LETM1: variants seen among roughly 807,000 people sequenced by gnomAD.
LETM1 encodes the protein leucine zipper and EF-hand containing transmembrane protein 1.
In LETM1, 50 loss-of-function variants were observed where a neutral mutation model predicts 74.5. That is an observed-to-expected ratio of 0.67 (90% CI 0.53 to 0.85). LETM1 has a LOEUF of 0.85. Among genes scored for constraint, LETM1 ranks in the 40% least tolerant of loss-of-function variants. The pLI is 0.00. For missense variants in LETM1, 824 were observed against 967.8 expected (o/e 0.85, Z 1.97); for synonymous variants, 446 against 407.1 (o/e 1.10, Z -1.15).
At chr4:1,829,381 T>G (rs1712175860) in intron 6 of LETM1, among the ~76,000 whole-genome samples, 1 of 151,878 alleles carries the variant, frequency 6.6e-6, no homozygotes, top group South Asian at 2.1e-4. Flanking sequence ...ATGGGGCGGC[T>G]GGCCGGGCGG....
chr4:1,854,795 A>AAAAC (rs1024518975), intron 1 of LETM1, among the ~76,000 whole-genome samples: 37 of 152,216 alleles, frequency 2.4e-4, no homozygotes, highest in East Asian at 1.5e-3. Context: ...TCTGTCTTTA[A>AAAAC]AAACAAACAA....
At chr4:1,843,894 A>G (rs868275214) in intron 2 of LETM1, among the ~76,000 whole-genome samples, 4 of 152,144 alleles carry the variant, frequency 2.6e-5, no homozygotes, top group Admixed American at 6.5e-5. Flanking sequence ...GCAGGCTCAG[A>G]CTGCCCCCTG....
intron 8 of LETM1, 122 bp from the exon 9 acceptor site, chr4:1,823,253 G>T: frequency 1.7e-5 from 22 of 1,310,304 alleles, no homozygotes; most frequent in Non-Finnish European, 2.2e-5. Flanking sequence ...ACACACACAG[G>T]ACAGAAGGCA....
At chr4:1,840,736 G>A (rs1712662123) in intron 3 of LETM1, among the ~76,000 whole-genome samples, 1 of 151,858 alleles carries the variant, frequency 6.6e-6, no homozygotes, top group Non-Finnish European at 1.5e-5. Context: ...GGGGGTGGTG[G>A]GAACCTAACT....
At position 1,841,753 on chromosome 4, in the gene LETM1, G is replaced by A. The variant is rs1373146076; in HGVS notation, c.188C>T (p.Thr63Ile). Residue 63 changes from threonine to isoleucine, a missense_variant, in exon 3 of 14, where the codon ACA becomes ATA. This residue lies in a region of LETM1 where 222 missense variants were observed against 195.6 expected (regional missense o/e 1.14). Transcript: ENST00000302787. ...GCCTPIHPVYTSSRGDHLGCW... is the reference protein window; with the variant it reads ...GCCTPIHPVYISSRGDHLGCW... ...GCCGAGGTGATCGCCTCTGGAGGATGTGTACACAGGGTGGATGGGAGTGCA... is the reference window on the plus strand; with the variant it reads ...GCCGAGGTGATCGCCTCTGGAGGATATGTACACAGGGTGGATGGGAGTGCA... 2 of 1,613,996 alleles carry A rather than the reference G, an allele frequency of 1.2e-6. No individual in the cohort carries two copies. The highest frequency in any genetic ancestry group is 2.2e-5 in the East Asian group (1 of 44,890).
chr4:1,834,823 G>A lies in LETM1; in HGVS notation c.876+22C>T. ...GGAAGGCTCCCTGGTGAGGTCACAG[G>A]GACTCAGACGTATCACAGCACCTTC... On this transcript the variant is annotated intron_variant, in intron 5 of 13. Coordinates refer to ENST00000302787, the MANE Select transcript of LETM1 (RefSeq NM_012318.3). This position sits in a 1 kb window ranked among gnomAD's most constrained non-coding sequence, Gnocchi z 5.0. 3 of 1,613,426 alleles carry A rather than the reference G, an allele frequency of 1.9e-6. No individual in the cohort carries two copies. The highest frequency in any genetic ancestry group is 2.5e-6 in the Non-Finnish European group (3 of 1,179,524).
Position 1,823,028 on chromosome 4 carries a change from T to G in LETM1, c.1436A>C (p.Glu479Ala), listed in dbSNP as rs200895698. 1 of 1,608,228 alleles carries G rather than the reference T, an allele frequency of 6.2e-7. No individual in the cohort carries two copies. The highest frequency in any genetic ancestry group is 2.3e-5 in the East Asian group (1 of 44,348). Reference protein sequence around the residue: ...TLQEEAAIQQEHREKELQKRS... With the variant: ...TLQEEAAIQQAHREKELQKRS... ...CTTCTGCAGCTCCTTCTCACGGTGC[T>G]CCTGCTGGATGGCCGCCTCCTCCTG... The change falls in exon 9 of 14, where the codon GAG becomes GCG. Residue 479 changes from glutamate to alanine, a missense_variant. This residue lies in a region of LETM1 where 172 missense variants were observed against 170.7 expected (regional missense o/e 1.01). Transcript: ENST00000302787.
chr4:1,812,536 T>TA lies in LETM1; in HGVS notation c.*1887dup, dbSNP rs1420837461. ...GGGCAGGTGTAAGAAAGGACTGTTT[T>TA]AAGAAGCTTATTACACAAAGCTCAT... is the stretch of plus-strand genomic sequence containing the variant. On this transcript the variant is annotated 3_prime_UTR_variant, in exon 14 of 14. Transcript: ENST00000302787. The TA allele has an allele frequency of 2.0e-5, 3 of 152,236 alleles. No homozygotes were observed. Among genetic ancestry groups the TA allele is most frequent in the African/African-American group, 7.2e-5 (3 of 41,390 alleles). The allele number at this position is 152,236 out of a possible 1,614,324, so 9.4% of individuals were successfully genotyped here.
rs1433706909 is a variant in LETM1 at position 1,819,075 on chromosome 4, C to T, written c.1743+263G>A. Reference sequence around the variant, plus strand: ...CTCTGGCCTGGGCAACAGAGCAAGACCTTCTTACAAAAAAAAAAAAAAAAA... The same window carrying T: ...CTCTGGCCTGGGCAACAGAGCAAGATCTTCTTACAAAAAAAAAAAAAAAAA... On this transcript the variant is annotated intron_variant, in intron 11 of 13. Coordinates refer to ENST00000302787, the MANE Select transcript of LETM1 (RefSeq NM_012318.3). Among the ~76,000 whole-genome samples, 7 of 149,626 alleles carry T rather than the reference C, an allele frequency of 4.7e-5. No homozygotes were observed. The East Asian group carries it at 9.7e-4, about 21-fold the overall frequency.
chr4:1,833,275 G>A, intron 5 of LETM1: 1 of 325,146 alleles, frequency 3.1e-6, no homozygotes, highest in East Asian at 7.8e-5. Flanking sequence ...TCACTATGTT[G>A]GCCAGGCTGG....
rs1252133548 is a variant in LETM1, at chr4:1,813,767, G to A, written c.*657C>T. On this transcript the variant is annotated 3_prime_UTR_variant, in exon 14 of 14. Transcript: ENST00000302787. Reference sequence around the variant, plus strand: ...GCCAATTGACTGCTTAAAGAACTGGGGGAAATAGAAAGCCGAGAAAGAGCT... The same window carrying A: ...GCCAATTGACTGCTTAAAGAACTGGAGGAAATAGAAAGCCGAGAAAGAGCT... 6.5e-6 allele frequency: 1 copy of A among 153,194 alleles called. No homozygotes were observed. The highest frequency in any genetic ancestry group is 1.9e-4 in the East Asian group (1 of 5,282). 9.5% of individuals were successfully genotyped at this position (153,194 alleles called of 1,614,324 possible).
At chr4:1,848,902 C>T (rs1218844632) in intron 2 of LETM1, among the ~76,000 whole-genome samples, 1 of 152,012 alleles carries the variant, frequency 6.6e-6, no homozygotes, top group Admixed American at 6.6e-5. Context: ...GGACAGGAAG[C>T]CTTCTGTCCC....
At position 1,813,142 on chromosome 4, in the gene LETM1, T is replaced by C. The variant is rs1722517411; in HGVS notation, c.*1282A>G. 1 of 152,412 alleles carries C rather than the reference T, an allele frequency of 6.6e-6. No homozygotes were observed. Among genetic ancestry groups the C allele is most frequent in the Admixed American group, 6.5e-5 (1 of 15,288 alleles). The allele number at this position is 152,412 out of a possible 1,614,324, so 9.4% of individuals were successfully genotyped here. On this transcript the variant is annotated 3_prime_UTR_variant, in exon 14 of 14. Coordinates refer to ENST00000302787, the MANE Select transcript of LETM1 (RefSeq NM_012318.3). ...ACTGTCCCTGCACAAAGGTTTACAA[T>C]TGAGAAATATCTCCTGTTCCTATTT...
chr4:1,836,688 G>A lies in LETM1; in HGVS notation c.595-116C>T. On this transcript the variant is annotated intron_variant, in intron 3 of 13. Transcript: ENST00000302787. The surrounding 1 kb of genome is among the most constrained non-coding windows in gnomAD (Gnocchi z 5.8). ...GCACAACCTCAGGCAGCGACTCACA[G>A]GACCCACTGAGGACTCTAAGTTCCA... 9.0e-7 allele frequency: 1 copy of A among 1,108,642 alleles called. No homozygotes were observed. The highest frequency in any genetic ancestry group is 1.3e-6 in the Non-Finnish European group (1 of 768,622). 68.7% of individuals were successfully genotyped at this position (1,108,642 alleles called of 1,614,324 possible).
intron 3 of LETM1, among the ~76,000 whole-genome samples, chr4:1,837,085 A>C (rs1181394380): frequency 2.0e-5 from 3 of 152,256 alleles, no homozygotes; most frequent in Admixed American, 2.0e-4. Context: ...ATGCCATTAA[A>C]GAAACATCCA....
At chr4:1,853,555 A>T (rs988098335) in intron 1 of LETM1, among the ~76,000 whole-genome samples, 3 of 152,248 alleles carry the variant, frequency 2.0e-5, no homozygotes, top group Admixed American at 2.0e-4. Context: ...CCACCTGGGC[A>T]GTACTCCTCA....
intron 6 of LETM1, among the ~76,000 whole-genome samples, chr4:1,826,069 C>T (rs1274014985): frequency 2.6e-5 from 4 of 152,212 alleles, no homozygotes; most frequent in Non-Finnish European, 5.9e-5. Flanking sequence ...TCTGAAGACA[C>T]ATCTTGACCT....
Position 1,823,808 on chromosome 4 carries a change from G to GC in LETM1, c.1201-34dup, listed in dbSNP as rs765528865. On this transcript the variant is annotated intron_variant, in intron 7 of 13. Transcript: ENST00000302787. ...CAAGGCCAGGTTCAGCAGATGGGCA[G>GC]CCCCCCAACCCTGCTGGCCCCACAG... 4 of 1,586,370 alleles carry GC rather than the reference G, an allele frequency of 2.5e-6. No homozygotes were observed. The African/African-American group carries it at 4.0e-5, about 16-fold the overall frequency.
intron 1 of LETM1, among the ~76,000 whole-genome samples, chr4:1,852,913 G>A (rs952835155): frequency 2.6e-5 from 4 of 152,248 alleles, no homozygotes; most frequent in African/African-American, 4.8e-5. Context: ...TCAGCCCTCA[G>A]TGCTGGTGCC....
Sources: allele counts gnomAD v4.1 joint callset (sites outside exome capture counted in the v4.1 genomes callset), GRCh38; gene constraint gnomAD v4.1.1; regional missense constraint gnomAD v4.1.1; non-coding constraint Gnocchi (gnomAD v3.1); transcripts MANE v1.5; gene names NCBI Gene and HGNC (gene_info 2026-07-23, HGNC 2026-07-21).